ZHX2: variants seen among roughly 807,000 people sequenced by gnomAD.
ZHX2 encodes the protein zinc fingers and homeoboxes 2, also known as zinc fingers and homeoboxes protein 2.
A neutral mutation model predicts 21.9 loss-of-function variants in ZHX2; 6 were observed. That is an observed-to-expected ratio of 0.27 (90% CI 0.15 to 0.54). ZHX2 has a LOEUF of 0.54. Among genes scored for constraint, ZHX2 ranks in the 20% least tolerant of loss-of-function variants. The probability of loss-of-function intolerance (pLI) is 0.95; values close to 1 mark genes in which losing one functional copy is unlikely to be tolerated. For missense variants in ZHX2, 908 were observed against 1,090.7 expected, an observed-to-expected ratio of 0.83 and a Z score of 2.36; for synonymous variants, 434 against 437.1, an observed-to-expected ratio of 0.99 and a Z score of 0.09.
At chr8:122,961,738 A>G (rs1419569298) in intron 3 of ZHX2, among the ~76,000 whole-genome samples, 1 of 152,198 alleles carries the variant, frequency 6.6e-6, no homozygotes, top group Non-Finnish European at 1.5e-5. Flanking sequence ...AACCACCCCC[A>G]TGATTCAATT....
intron 2 of ZHX2, among the ~76,000 whole-genome samples, chr8:122,887,751 A>AT (rs1368884418): frequency 2.6e-5 from 4 of 152,132 alleles, no homozygotes; most frequent in Non-Finnish European, 5.9e-5. Context: ...GCTGCCTGGA[A>AT]TTGCAGTCCT....
chr8:122,931,968 A>G (rs1563590089), intron 2 of ZHX2, among the ~76,000 whole-genome samples: 1 of 152,212 alleles, frequency 6.6e-6, no homozygotes, highest in East Asian at 1.9e-4. Flanking sequence ...TGGCACAGAC[A>G]GTACGAGCTG....
intron 1 of ZHX2, among the ~76,000 whole-genome samples, chr8:122,796,728 T>A (rs1411804282): frequency 3.3e-5 from 5 of 152,214 alleles, no homozygotes; most frequent in African/African-American, 1.2e-4. Context: ...TAAAAGTATT[T>A]CTTTCTCAAG....
At chr8:122,936,825 C>G (rs1339855005) in intron 2 of ZHX2, among the ~76,000 whole-genome samples, 1 of 152,212 alleles carries the variant, frequency 6.6e-6, no homozygotes, top group African/African-American at 2.4e-5. Flanking sequence ...GGCTTCTATC[C>G]AGTGCCCTCA....
intron 1 of ZHX2, among the ~76,000 whole-genome samples, chr8:122,834,526 C>T (rs1281095287): frequency 6.6e-6 from 1 of 152,236 alleles, no homozygotes; most frequent in Non-Finnish European, 1.5e-5. Context: ...CTGCAGGGCC[C>T]CTGATGGCAG....
intron 2 of ZHX2, among the ~76,000 whole-genome samples, chr8:122,934,657 ACCTT>A (rs1282670746): frequency 8.5e-5 from 10 of 117,000 alleles, no homozygotes; most frequent in African/African-American, 4.1e-4. Context: ...CTTCTTTATT[ACCTT>A]CCTTCCTTCC....
intron 2 of ZHX2, among the ~76,000 whole-genome samples, chr8:122,884,119 C>T (rs1819778778): frequency 6.6e-6 from 1 of 152,170 alleles, no homozygotes; most frequent in South Asian, 2.1e-4. Flanking sequence ...CTGCAGGCAA[C>T]TGTAACACAA....
At chr8:122,919,887 G>A (rs1263381384) in intron 2 of ZHX2, among the ~76,000 whole-genome samples, 3 of 152,144 alleles carry the variant, frequency 2.0e-5, no homozygotes, top group African/African-American at 4.8e-5. Flanking sequence ...AATATATCAC[G>A]CAGAAAATAA....
chr8:122,937,838 T>TC (rs1812740451), intron 2 of ZHX2, among the ~76,000 whole-genome samples: 1 of 151,324 alleles, frequency 6.6e-6, no homozygotes, highest in Non-Finnish European at 1.5e-5. Context: ...CGCCTCAGCC[T>TC]CCCAAAGTGC....
chr8:122,960,082 C>T (rs1370366276), intron 3 of ZHX2, among the ~76,000 whole-genome samples: 1 of 152,184 alleles, frequency 6.6e-6, no homozygotes, highest in African/African-American at 2.4e-5. Flanking sequence ...TGTCCCTGCC[C>T]TCATGGAGCC....
intron 2 of ZHX2, among the ~76,000 whole-genome samples, chr8:122,870,281 C>T (rs1215225422): frequency 6.6e-6 from 1 of 151,984 alleles, no homozygotes; most frequent in Non-Finnish European, 1.5e-5. Context: ...GAGCAATGAG[C>T]GGCTTTCAGA....
chr8:122,931,066 C>T (rs1187223571), intron 2 of ZHX2, among the ~76,000 whole-genome samples: 1 of 152,178 alleles, frequency 6.6e-6, no homozygotes, highest in Admixed American at 6.5e-5. Context: ...AACCCCCCAG[C>T]CTATGTACCT....
rs576206027 is a variant in ZHX2, at chr8:122,916,187, C to T, written c.-219-35105C>T. ...AGACGCTTTCATCTCAGCTTTGGCC[C>T]GGATTTCCTCCTTCCCAGCAAGGCT... On this transcript the variant is annotated intron_variant, in intron 2 of 3. Coordinates refer to ENST00000314393, the MANE Select transcript of ZHX2 (RefSeq NM_014943.5). 7.2e-5 allele frequency among the ~76,000 whole-genome samples: 11 copies of T among 152,306 alleles called. No homozygotes were observed. In the South Asian group the frequency reaches 1.2e-3, roughly 17 times the overall value.
rs3221811 is a variant in ZHX2, at chr8:122,843,959, T to TCACACACACACACACACACA, written c.-282-19505_-282-19486dup. ...ACACTTCGCTTTTTGTTCTCACCCTTCACACACACACACACACACACACAC... is the reference window on the plus strand; with the variant it reads ...ACACTTCGCTTTTTGTTCTCACCCTTCACACACACACACACACACACACACACACACACACACACACACAC... On this transcript the variant is annotated intron_variant, in intron 1 of 3. Transcript: ENST00000314393. Among the ~76,000 whole-genome samples, 1,000 of 148,912 alleles carry TCACACACACACACACACACA rather than the reference T, an allele frequency of 6.7e-3. 4 individuals are homozygous for TCACACACACACACACACACA. Among genetic ancestry groups the TCACACACACACACACACACA allele is most frequent in the African/African-American group, 0.024 (958 of 40,464 alleles).
chr8:122,932,211 A>G (rs530207064), intron 2 of ZHX2, among the ~76,000 whole-genome samples: 4 of 152,206 alleles, frequency 2.6e-5, no homozygotes, highest in Non-Finnish European at 5.9e-5. Context: ...GATGAATGGC[A>G]CAGGCTGCAA....
chr8:122,820,234 C>G (rs1818114535), intron 1 of ZHX2, among the ~76,000 whole-genome samples: 1 of 152,200 alleles, frequency 6.6e-6, no homozygotes, highest in Admixed American at 6.5e-5. Context: ...AGAGGAAGTC[C>G]AGGCTGTGGG....
rs1437258074 is a variant in ZHX2, at chr8:122,973,942, C to T, written c.*705C>T. On this transcript the variant is annotated 3_prime_UTR_variant, in exon 4 of 4. Coordinates refer to ENST00000314393, the MANE Select transcript of ZHX2 (RefSeq NM_014943.5). Reference sequence around the variant, plus strand: ...GCTTTCTGAACTGCCAAGAGGGGATCTGGCTTCTCAACTGCTCGGCCTCTT... The same window carrying T: ...GCTTTCTGAACTGCCAAGAGGGGATTTGGCTTCTCAACTGCTCGGCCTCTT... 1.3e-5 allele frequency: 2 copies of T among 152,636 alleles called. No individual in the cohort carries two copies. The highest frequency in any genetic ancestry group is 2.9e-5 in the Non-Finnish European group (2 of 68,042). 9.5% of individuals were successfully genotyped at this position (152,636 alleles called of 1,614,324 possible).
intron 1 of ZHX2, among the ~76,000 whole-genome samples, chr8:122,857,884 G>A (rs1026887076): frequency 3.3e-5 from 5 of 152,262 alleles, no homozygotes; most frequent in Non-Finnish European, 7.3e-5. Context: ...TCCTGGAACA[G>A]AGCCATGTGC....
At chr8:122,882,800 G>A (rs569851308) in intron 2 of ZHX2, among the ~76,000 whole-genome samples, 24 of 152,262 alleles carry the variant, frequency 1.6e-4, no homozygotes, top group African/African-American at 5.3e-4. Context: ...TAGCCAACAT[G>A]ATGAAACCCC....
Sources: allele counts gnomAD v4.1 joint callset (sites outside exome capture counted in the v4.1 genomes callset), GRCh38; gene constraint gnomAD v4.1.1; transcripts MANE v1.5; gene names NCBI Gene and HGNC (gene_info 2026-07-23, HGNC 2026-07-21).